SRD5A2: variants seen among roughly 807,000 people sequenced by gnomAD.
The protein encoded by SRD5A2 is steroid 5 alpha-reductase 2.
In SRD5A2, 30 loss-of-function variants were observed where a neutral mutation model predicts 27.4. That is an observed-to-expected ratio of 1.10 (90% CI 0.82 to 1.49). The LOEUF (loss-of-function observed/expected upper bound fraction) is 1.49. Ranked by LOEUF, SRD5A2 falls within the 40% of genes most tolerant of loss-of-function variation. The probability of loss-of-function intolerance (pLI) is 0.00; values close to 1 mark genes in which losing one functional copy is unlikely to be tolerated. For missense variants in SRD5A2, 348 were observed against 323.4 expected (o/e 1.08, Z -0.58); for synonymous variants, 141 against 133.6 (o/e 1.06, Z -0.38).
chr2:31,536,400 A>T (rs1477767952), intron 1 of SRD5A2, among the ~76,000 whole-genome samples: 1 of 152,222 alleles, frequency 6.6e-6, no homozygotes, highest in African/African-American at 2.4e-5. Context: ...AATCTTCTGC[A>T]TCTATCCAGC....
the SRD5A2 span, among the ~76,000 whole-genome samples, chr2:31,659,156 A>G: frequency 6.6e-6 from 1 of 152,206 alleles, no homozygotes; most frequent in Non-Finnish European, 1.5e-5. Flanking sequence ...AACACTGAAC[A>G]AACTAGGCAT....
upstream of SRD5A2, among the ~76,000 whole-genome samples, chr2:31,583,595 C>G (rs946527683): frequency 8.1e-6 from 1 of 123,260 alleles, no homozygotes; most frequent in Non-Finnish European, 1.6e-5. Flanking sequence ...GCTCCTGCCT[C>G]CTTACATCCT....
At chr2:31,630,628 G>A in the SRD5A2 span, among the ~76,000 whole-genome samples, 3 of 152,128 alleles carry the variant, frequency 2.0e-5, no homozygotes, top group African/African-American at 7.2e-5. Flanking sequence ...GCTAACAGAA[G>A]AAAGTAGAAA....
rs1227349462 is a variant in SRD5A2, at chr2:31,523,522, T to C, written c.*2674A>G. ...CAGTGTCACTACCTATAATGTGAAG[T>C]GGTAGGAATAGCTGATGTCTGAGGT... On this transcript the variant is annotated 3_prime_UTR_variant, in exon 5 of 5. Transcript: ENST00000622030. 4.5e-6 allele frequency: 1 copy of C among 220,666 alleles called. No individual in the cohort carries two copies. Among genetic ancestry groups the C allele is most frequent in the Non-Finnish European group, 9.1e-6 (1 of 110,184 alleles). 13.7% of individuals were successfully genotyped at this position (220,666 alleles called of 1,614,324 possible). A position where few individuals can be genotyped will look rare whatever the true frequency, so the allele number is the denominator to read the frequency against.
At chr2:31,526,396 A>C in intron 4 of SRD5A2, 134 bp from the exon 5 acceptor site, 1 of 656,052 alleles carries the variant, frequency 1.5e-6, no homozygotes, top group Non-Finnish European at 2.8e-6. Flanking sequence ...GTCACTTATG[A>C]TTCTTATTTC....
chr2:31,581,856 G>A (rs893151325), upstream of SRD5A2, among the ~76,000 whole-genome samples: 16 of 152,166 alleles, frequency 1.1e-4, no homozygotes, highest in East Asian at 1.9e-4. Flanking sequence ...CTGTCTAGCC[G>A]TCATACACGC....
the SRD5A2 span, among the ~76,000 whole-genome samples, chr2:31,662,547 T>A: frequency 2.0e-5 from 3 of 152,178 alleles, no homozygotes; most frequent in Non-Finnish European, 4.4e-5. Context: ...CTCAAGCTCC[T>A]GGGCTCAAGT....
At chr2:31,566,723 C>T (rs7594951) in intron 1 of SRD5A2, among the ~76,000 whole-genome samples, 16,435 of 152,210 alleles carry the variant, frequency 0.11, 949 homozygotes, top group Middle Eastern at 0.18. Context: ...TTTAAAATCC[C>T]TCAGAACAGT....
the SRD5A2 span, among the ~76,000 whole-genome samples, chr2:31,657,527 A>T: frequency 6.6e-6 from 1 of 152,178 alleles, no homozygotes; most frequent in Non-Finnish European, 1.5e-5. Context: ...AAGCATTGTG[A>T]GTACAGGTGT....
the SRD5A2 span, among the ~76,000 whole-genome samples, chr2:31,621,960 A>T: frequency 1.3e-5 from 1 of 74,370 alleles, no homozygotes; most frequent in African/African-American, 5.2e-5. Context: ...TAATTTTTTA[A>T]TTTTTTTCTT....
At chr2:31,574,289 A>C (rs1666911377) in intron 1 of SRD5A2, among the ~76,000 whole-genome samples, 1 of 152,228 alleles carries the variant, frequency 6.6e-6, no homozygotes, top group East Asian at 1.9e-4. Context: ...GAGACCTAGC[A>C]TAGTTCTGAG....
the SRD5A2 span, among the ~76,000 whole-genome samples, chr2:31,621,069 T>C: frequency 1.1e-4 from 17 of 151,492 alleles, no homozygotes; most frequent in African/African-American, 3.1e-4. Context: ...CAGATTCATA[T>C]GCATTTTAAA....
the SRD5A2 span, among the ~76,000 whole-genome samples, chr2:31,600,411 C>G: frequency 6.6e-6 from 1 of 152,002 alleles, no homozygotes; most frequent in Non-Finnish European, 1.5e-5. Flanking sequence ...AATCACTACA[C>G]ACTGCTTTCC....
the SRD5A2 span, among the ~76,000 whole-genome samples, chr2:31,646,732 T>TA: frequency 1.3e-5 from 2 of 150,956 alleles, no homozygotes; most frequent in Non-Finnish European, 1.5e-5. Flanking sequence ...AAAAGAATAT[T>TA]AAAAAAAAAT....
chr2:31,585,349 C>A (rs1476474759), upstream of SRD5A2, among the ~76,000 whole-genome samples: 2 of 152,136 alleles, frequency 1.3e-5, no homozygotes, highest in Non-Finnish European at 2.9e-5. Flanking sequence ...GGCATCACCC[C>A]TCCCCAATCC....
chr2:31,529,501 AT>A (rs1665859435), intron 3 of SRD5A2, 44 bp from the exon 4 acceptor site: 1 of 1,602,384 alleles, frequency 6.2e-7, no homozygotes, highest in East Asian at 2.2e-5. Flanking sequence ...CAACTGAATC[AT>A]TTTGACATTA....
chr2:31,604,781 T>C, the SRD5A2 span, among the ~76,000 whole-genome samples: 1 of 151,056 alleles, frequency 6.6e-6, no homozygotes, highest in Admixed American at 6.6e-5. Flanking sequence ...ACCAATGACA[T>C]TCTTCACAGA....
intron 1 of SRD5A2, among the ~76,000 whole-genome samples, chr2:31,570,765 T>A (rs1165921130): frequency 6.6e-6 from 1 of 152,112 alleles, no homozygotes; most frequent in East Asian, 1.9e-4. Flanking sequence ...AAGAATGCAA[T>A]CCCATTCATG....
At chr2:31,656,827 T>C in the SRD5A2 span, among the ~76,000 whole-genome samples, 1 of 152,198 alleles carries the variant, frequency 6.6e-6, no homozygotes, top group Admixed American at 6.5e-5. Flanking sequence ...GTCATATTGA[T>C]AGTATGTACC....
Sources: allele counts gnomAD v4.1 joint callset (sites outside exome capture counted in the v4.1 genomes callset), GRCh38; gene constraint gnomAD v4.1.1; transcripts MANE v1.5; gene names NCBI Gene and HGNC (gene_info 2026-07-23, HGNC 2026-07-21).